The following NRG3 variants were observed in gnomAD, a reference collection of about 807,000 sequenced individuals.
The protein encoded by NRG3 is neuregulin 3.
Under a neutral mutation model 66.9 loss-of-function variants are expected in NRG3, and 31 were observed. The observed-to-expected ratio is 0.46, with a 90% CI of 0.35 to 0.63. The LOEUF is 0.63. Ranked by LOEUF, NRG3 falls within the 20% of genes least tolerant of loss-of-function variation. The pLI is 0.00. For synonymous variants in NRG3, 393 were observed against 359.4 expected, an observed-to-expected ratio of 1.09 and a Z score of -1.06; for missense variants, 910 against 878.9, an observed-to-expected ratio of 1.04 and a Z score of -0.45.
At chr10:82,614,561 A>G (rs1369145791) in intron 2 of NRG3, among the ~76,000 whole-genome samples, 1 of 152,214 alleles carries the variant, frequency 6.6e-6, no homozygotes, top group African/African-American at 2.4e-5. Flanking sequence ...TGTGCAGTTT[A>G]ATGCTTTATT....
At chr10:81,946,983 A>G (rs1283747144) in intron 1 of NRG3, among the ~76,000 whole-genome samples, 2 of 152,202 alleles carry the variant, frequency 1.3e-5, no homozygotes, top group Non-Finnish European at 2.9e-5. Context: ...GCTTAGAACA[A>G]CAGAAATGTA....
chr10:82,317,793 T>C (rs145975235), intron 1 of NRG3, among the ~76,000 whole-genome samples: 1,876 of 152,252 alleles, frequency 0.012, 33 homozygotes, highest in African/African-American at 0.037. Flanking sequence ...TCCTGGGAGA[T>C]GGGTCTGTGC....
chr10:82,235,481 T>C (rs563107828), intron 1 of NRG3, among the ~76,000 whole-genome samples: 1 of 152,346 alleles, frequency 6.6e-6, no homozygotes, highest in South Asian at 2.1e-4. Context: ...CAATATCATT[T>C]AGTTCAGACT....
chr10:82,548,938 A>T (rs909686827), intron 2 of NRG3, among the ~76,000 whole-genome samples: 8 of 152,104 alleles, frequency 5.3e-5, no homozygotes, highest in Admixed American at 1.3e-4. Context: ...ATACATTTAA[A>T]TTTTACACAT....
At chr10:82,784,398 A>G (rs1435928064) in intron 3 of NRG3, among the ~76,000 whole-genome samples, 1 of 151,548 alleles carries the variant, frequency 6.6e-6, no homozygotes, top group African/African-American at 2.4e-5. Context: ...CAGCAAAAGA[A>G]ACTACCATCA....
intron 4 of NRG3, among the ~76,000 whole-genome samples, chr10:82,948,467 A>G (rs1849225023): frequency 6.6e-6 from 1 of 152,082 alleles, no homozygotes; most frequent in Non-Finnish European, 1.5e-5. Flanking sequence ...AGAACAACAA[A>G]AACAAAAATG....
At chr10:82,473,488 A>C (rs1841467519) in intron 2 of NRG3, among the ~76,000 whole-genome samples, 1 of 152,162 alleles carries the variant, frequency 6.6e-6, no homozygotes, top group Non-Finnish European at 1.5e-5. Flanking sequence ...CAAACAAACA[A>C]AACCAGCAAC....
In NRG3 at chr10:81,967,032, A is replaced by T. The variant is rs115416254; in HGVS notation, c.823+90869A>T. On this transcript the variant is annotated intron_variant, in intron 1 of 8. Coordinates refer to ENST00000372141, the MANE Select transcript of NRG3 (RefSeq NM_001010848.4). The stretch of plus-strand genomic sequence containing the variant: ...TTTGTCTTTTCAAGAACATTATTTT[A>T]AAAAATTTTCTATTTTATACACTTA... Among the ~76,000 whole-genome samples the T allele has an allele frequency of 5.8e-3, 879 of 152,084 alleles. 7 individuals are homozygous for T. Among genetic ancestry groups the T allele is most frequent in the African/African-American group, 0.019 (810 of 41,558 alleles).
At chr10:82,624,724 A>G (rs992144833) in intron 2 of NRG3, among the ~76,000 whole-genome samples, 4 of 148,252 alleles carry the variant, frequency 2.7e-5, no homozygotes, top group Non-Finnish European at 6.0e-5. Context: ...TATACTATAT[A>G]CATATATAAT....
chr10:82,842,569 T>G (rs991251201), intron 3 of NRG3, among the ~76,000 whole-genome samples: 7 of 152,204 alleles, frequency 4.6e-5, no homozygotes, highest in Non-Finnish European at 1.5e-5. Flanking sequence ...ACCCTGTCTT[T>G]GCTGTGTAGG....
chr10:82,789,373 T>A (rs892486101), intron 3 of NRG3, among the ~76,000 whole-genome samples: 1 of 152,148 alleles, frequency 6.6e-6, no homozygotes, highest in African/African-American at 2.4e-5. Context: ...GTAAGTGTTC[T>A]TTATATACTC....
intron 2 of NRG3, among the ~76,000 whole-genome samples, chr10:82,734,686 T>G (rs2058070958): frequency 6.6e-6 from 1 of 151,906 alleles, no homozygotes; most frequent in African/African-American, 2.4e-5. Context: ...CTTTTAAATG[T>G]GGAAAAGAAA....
intron 2 of NRG3, among the ~76,000 whole-genome samples, chr10:82,570,070 C>T (rs1300932793): frequency 2.6e-5 from 4 of 151,568 alleles, no homozygotes; most frequent in Non-Finnish European, 5.9e-5. Flanking sequence ...TGTTCTTATT[C>T]CATTAATGAG....
At chr10:81,954,902 C>A in intron 1 of NRG3, among the ~76,000 whole-genome samples, 1 of 151,942 alleles carries the variant, frequency 6.6e-6, no homozygotes, top group Middle Eastern at 3.2e-3. Flanking sequence ...TAGGATTTTG[C>A]ATAGCATTGA....
intron 1 of NRG3, among the ~76,000 whole-genome samples, chr10:82,067,166 T>C (rs149343670): frequency 2.0e-4 from 30 of 152,284 alleles, no homozygotes; most frequent in African/African-American, 5.3e-4. Flanking sequence ...TCAAACCCAA[T>C]TGACAAAAAT....
In NRG3 at chr10:82,986,684, A is replaced by C. The variant is rs1853453919; in HGVS notation, c.*1079A>C. Reference sequence around the variant, plus strand: ...GATGTGAATACTTTTGAGAGGATCAACTATTGGCTCATTAATGATATCAGT... The same window carrying C: ...GATGTGAATACTTTTGAGAGGATCACCTATTGGCTCATTAATGATATCAGT... On this transcript the variant is annotated 3_prime_UTR_variant, in exon 9 of 9. Transcript: ENST00000372141. 1 of 152,212 alleles carries C rather than the reference A, an allele frequency of 6.6e-6. No individual in the cohort carries two copies. Among genetic ancestry groups the C allele is most frequent in the Non-Finnish European group, 1.5e-5 (1 of 68,040 alleles). The allele number at this position is 152,212 out of a possible 1,614,324, so 9.4% of individuals were successfully genotyped here.
intron 2 of NRG3, among the ~76,000 whole-genome samples, chr10:82,508,140 A>G (rs889637001): frequency 5.9e-5 from 9 of 152,190 alleles, no homozygotes; most frequent in African/African-American, 2.2e-4. Flanking sequence ...TTTCTCTAAG[A>G]TTTGTGGGAA....
intron 1 of NRG3, among the ~76,000 whole-genome samples, chr10:81,883,666 A>G (rs1317887386): frequency 6.6e-6 from 1 of 152,158 alleles, no homozygotes; most frequent in African/African-American, 2.4e-5. Context: ...TTTTTATGCT[A>G]AACGTTTGAT....
chr10:82,634,987 A>G (rs1295826329), intron 2 of NRG3, among the ~76,000 whole-genome samples: 1 of 152,160 alleles, frequency 6.6e-6, no homozygotes, highest in African/African-American at 2.4e-5. Context: ...GTTAGCTTGA[A>G]CTAATCTAGA....
Sources: allele counts gnomAD v4.1 joint callset (sites outside exome capture counted in the v4.1 genomes callset), GRCh38; gene constraint gnomAD v4.1.1; transcripts MANE v1.5; gene names NCBI Gene and HGNC (gene_info 2026-07-23, HGNC 2026-07-21).